Variants in LUZP2 observed in about 807,000 individuals in gnomAD.
LUZP2 encodes the protein leucine zipper protein 2.
In LUZP2, 52 loss-of-function variants were observed where a neutral mutation model predicts 51.6. The ratio of observed to expected loss-of-function variants is 1.01; its 90% CI spans 0.81 to 1.27. The LOEUF is 1.27. Ranked by LOEUF, LUZP2 falls within the 50% of genes most tolerant of loss-of-function variation. The probability of loss-of-function intolerance (pLI) is 0.00; values close to 1 mark genes in which losing one functional copy is unlikely to be tolerated. For synonymous variants in LUZP2, 154 were observed against 137.3 expected (o/e 1.12, Z -0.85); for missense variants, 436 against 395.4 (o/e 1.10, Z -0.87).
At chr11:24,822,889 A>G (rs1850401231) in intron 5 of LUZP2, among the ~76,000 whole-genome samples, 1 of 152,230 alleles carries the variant, frequency 6.6e-6, no homozygotes, top group South Asian at 2.1e-4. Flanking sequence ...TTACACCACA[A>G]AATTCATTTT....
chr11:24,948,870 C>T (rs1373268083), intron 7 of LUZP2, among the ~76,000 whole-genome samples: 1 of 131,850 alleles, frequency 7.6e-6, no homozygotes, highest in Admixed American at 7.9e-5. Context: ...TATCTATCTA[C>T]CTATCCATCT....
At chr11:24,874,797 A>T (rs1005787709) in intron 5 of LUZP2, among the ~76,000 whole-genome samples, 1 of 152,116 alleles carries the variant, frequency 6.6e-6, no homozygotes, top group Non-Finnish European at 1.5e-5. Context: ...AAAATGTGTT[A>T]TTTACCCCTT....
At chr11:24,678,735 G>A (rs1343237832) in intron 1 of LUZP2, among the ~76,000 whole-genome samples, 1 of 152,152 alleles carries the variant, frequency 6.6e-6, no homozygotes, top group East Asian at 1.9e-4. Context: ...AAGAGAACAA[G>A]GTTGTCTCAA....
intron 7 of LUZP2, among the ~76,000 whole-genome samples, chr11:24,959,507 C>G (rs1855327615): frequency 6.6e-6 from 1 of 152,060 alleles, no homozygotes; most frequent in Non-Finnish European, 1.5e-5. Context: ...ATTTTATTCT[C>G]TTTGAAGCAA....
intron 7 of LUZP2, 57 bp from the exon 8 acceptor site, chr11:24,976,534 T>G: frequency 8.4e-7 from 1 of 1,185,698 alleles, no homozygotes; most frequent in Non-Finnish European, 1.2e-6. Flanking sequence ...GACAGATGCT[T>G]AAAGTACAGA....
chr11:24,998,175 A>G (rs189025703), intron 9 of LUZP2, among the ~76,000 whole-genome samples: 3 of 152,242 alleles, frequency 2.0e-5, no homozygotes, highest in African/African-American at 7.2e-5. Flanking sequence ...TGGTAACTTG[A>G]TGGGGATGGC....
At chr11:24,847,790 T>C (rs1384276083) in intron 5 of LUZP2, among the ~76,000 whole-genome samples, 1 of 152,194 alleles carries the variant, frequency 6.6e-6, no homozygotes, top group African/African-American at 2.4e-5. Flanking sequence ...GTTGGCACTA[T>C]TATAAAATGG....
chr11:24,914,215 T>C (rs192981627), intron 6 of LUZP2, among the ~76,000 whole-genome samples: 10 of 152,264 alleles, frequency 6.6e-5, no homozygotes, highest in Non-Finnish European at 1.5e-4. Context: ...GTGTGTTTAG[T>C]TGTGGATTGG....
chr11:24,924,633 A>G (rs1336324869), intron 7 of LUZP2, among the ~76,000 whole-genome samples: 1 of 152,198 alleles, frequency 6.6e-6, no homozygotes. Flanking sequence ...CCTGTGACAC[A>G]GCCTTAGAAA....
intron 10 of LUZP2, among the ~76,000 whole-genome samples, chr11:25,068,519 G>A (rs1362093693): frequency 9.2e-5 from 14 of 151,856 alleles, no homozygotes. Flanking sequence ...ACAAGCTCTG[G>A]AAGTGAGAGA....
At chr11:25,052,965 T>C (rs1304391338) in intron 10 of LUZP2, among the ~76,000 whole-genome samples, 1 of 152,148 alleles carries the variant, frequency 6.6e-6, no homozygotes, top group Admixed American at 6.5e-5. Flanking sequence ...CTTAATAAAA[T>C]TGATAGTAAC....
At chr11:24,593,961 G>T (rs1311301742) in intron 1 of LUZP2, among the ~76,000 whole-genome samples, 1 of 152,114 alleles carries the variant, frequency 6.6e-6, no homozygotes, top group Non-Finnish European at 1.5e-5. Flanking sequence ...CTTCCGGAGG[G>T]CAGGATTTAA....
chr11:24,676,204 G>C (rs942051143), intron 1 of LUZP2, among the ~76,000 whole-genome samples: 5 of 152,150 alleles, frequency 3.3e-5, no homozygotes, highest in African/African-American at 1.2e-4. Context: ...AATTGAAAGA[G>C]AAGATTAGAA....
intron 5 of LUZP2, among the ~76,000 whole-genome samples, chr11:24,839,138 C>T (rs143229741): frequency 6.6e-6 from 1 of 151,598 alleles, no homozygotes; most frequent in Non-Finnish European, 1.5e-5. Context: ...TGAGTTCTAC[C>T]TGTAATAGTC....
At chr11:25,024,367 G>A (rs183601697) in intron 9 of LUZP2, among the ~76,000 whole-genome samples, 87 of 152,220 alleles carry the variant, frequency 5.7e-4, no homozygotes, top group African/African-American at 2.0e-3. Context: ...GTCCCTGTTT[G>A]CAGATGACAT....
intron 5 of LUZP2, among the ~76,000 whole-genome samples, chr11:24,767,767 T>C (rs1860246906): frequency 6.6e-6 from 1 of 152,148 alleles, no homozygotes; most frequent in South Asian, 2.1e-4. Context: ...GCATTTTGTG[T>C]TTGAATATTG....
At chr11:24,552,827 A>G (rs1851759608) in intron 1 of LUZP2, among the ~76,000 whole-genome samples, 1 of 151,886 alleles carries the variant, frequency 6.6e-6, no homozygotes, top group Non-Finnish European at 1.5e-5. Flanking sequence ...AATATGACAG[A>G]TTAAAAAAGT....
rs1859444740 is a variant in LUZP2 at position 25,081,028 on chromosome 11, G to GTTTT, written c.*2370_*2371insTTTT. 1 of 67,628 alleles carries GTTTT rather than the reference G, an allele frequency of 1.5e-5. No homozygotes were observed. The highest frequency in any genetic ancestry group is 3.1e-5 in the Non-Finnish European group (1 of 32,464). 4.2% of individuals were successfully genotyped at this position (67,628 alleles called of 1,614,324 possible). ...GATCAAGTGGGCTTTGGATCCATATGATTTTTTTTTTTTTTTTTTTTTGAG... is the reference window on the plus strand; with the variant it reads ...GATCAAGTGGGCTTTGGATCCATATGTTTTATTTTTTTTTTTTTTTTTTTTTGAG... On this transcript the variant is annotated 3_prime_UTR_variant, in exon 12 of 12. Coordinates refer to ENST00000336930, the MANE Select transcript of LUZP2 (RefSeq NM_001009909.4).
intron 1 of LUZP2, among the ~76,000 whole-genome samples, chr11:24,666,327 C>T (rs1315270310): frequency 1.3e-5 from 2 of 152,026 alleles, no homozygotes; most frequent in Non-Finnish European, 2.9e-5. Context: ...TACATGGGTG[C>T]CTGTAGTTAA....
Sources: gnomAD v4.1 joint callset for allele counts (sites outside exome capture counted in the v4.1 genomes callset) on GRCh38, gnomAD v4.1.1 for gene constraint, MANE v1.5 for transcripts, NCBI Gene and HGNC (gene_info 2026-07-23, HGNC 2026-07-21) for gene names.